The following PTPRQ variants were observed in gnomAD, a reference collection of about 807,000 sequenced individuals.
PTPRQ encodes phosphatidylinositol phosphatase PTPRQ.
PTPRQ carries 199 observed loss-of-function variants against 246.0 expected under a neutral mutation model. That is an observed-to-expected ratio of 0.81 (90% CI 0.72 to 0.91). The LOEUF is 0.91. Ranked by LOEUF, PTPRQ falls within the 40% of genes least tolerant of loss-of-function variation. The pLI is 0.00. For missense variants in PTPRQ, 2,624 were observed against 2,528.4 expected (o/e 1.04, Z -0.81); for synonymous variants, 869 against 853.2 (o/e 1.02, Z -0.32).
At chr12:80,645,123 C>T (rs535308424) in intron 35 of PTPRQ, among the ~76,000 whole-genome samples, 20 of 152,036 alleles carry the variant, frequency 1.3e-4, no homozygotes, top group African/African-American at 4.6e-4. Flanking sequence ...AAGAGTGATA[C>T]AAAAGAAAAT....
At chr12:80,471,474 A>ATT (rs1176393485) in intron 7 of PTPRQ, among the ~76,000 whole-genome samples, 13,950 of 72,374 alleles carry the variant, frequency 0.19, 3,470 homozygotes, top group African/African-American at 0.28. Flanking sequence ...ATTATTTAGC[A>ATT]TTTTTTTTTT....
At chr12:80,665,730 C>A (rs996575487) in intron 39 of PTPRQ, among the ~76,000 whole-genome samples, 1 of 151,658 alleles carries the variant, frequency 6.6e-6, no homozygotes, top group Non-Finnish European at 1.5e-5. Flanking sequence ...CCAAAATATA[C>A]CAGGAACTCA....
At chr12:80,487,174 T>C (rs1016930048) in intron 9 of PTPRQ, among the ~76,000 whole-genome samples, 1 of 152,130 alleles carries the variant, frequency 6.6e-6, no homozygotes, top group Non-Finnish European at 1.5e-5. Context: ...TTGCAGCCAT[T>C]TGTGGGAAGA....
rs1894974929 is a variant in PTPRQ, at chr12:80,506,788, C to T, written c.2557+118C>T. The T allele has an allele frequency of 8.6e-6, 6 of 698,364 alleles. No homozygotes were observed. The Admixed American group carries it at 1.6e-4, about 19-fold the overall frequency. 43.3% of individuals were successfully genotyped at this position (698,364 alleles called of 1,614,324 possible). A position where few individuals can be genotyped will look rare whatever the true frequency, so the allele number is the denominator to read the frequency against. ...CATGGGTATCAGTTGTGTACCATACCAGCGTTATACAGAGATTTCATTGTC... is the reference window on the plus strand; with the variant it reads ...CATGGGTATCAGTTGTGTACCATACTAGCGTTATACAGAGATTTCATTGTC... On this transcript the variant is annotated intron_variant, in intron 16 of 44. Coordinates refer to ENST00000644991, the MANE Select transcript of PTPRQ (RefSeq NM_001145026.2).
chr12:80,469,650 C>T (rs5028208), intron 7 of PTPRQ, among the ~76,000 whole-genome samples: 14,556 of 152,110 alleles, frequency 0.096, 1,477 homozygotes, highest in African/African-American at 0.25. Flanking sequence ...CACTCATCAC[C>T]ATCATGAGTA....
chr12:80,669,512 G>T, intron 41 of PTPRQ, 48 bp downstream of exon 41: 4 of 1,504,006 alleles, frequency 2.7e-6, no homozygotes, highest in African/African-American at 1.4e-5. Context: ...AAATATGATT[G>T]ATCTAAATGT....
chr12:80,469,335 G>A (rs1893550312), intron 7 of PTPRQ, among the ~76,000 whole-genome samples: 1 of 152,024 alleles, frequency 6.6e-6, no homozygotes, highest in Admixed American at 6.6e-5. Flanking sequence ...TAAAATTTTT[G>A]GGCAGCTTTA....
At chr12:80,669,229 A>G (rs1038371702) in intron 40 of PTPRQ, 88 bp downstream of exon 40, 1 of 1,528,404 alleles carries the variant, frequency 6.5e-7, no homozygotes, top group African/African-American at 1.4e-5. Context: ...GTGAGTCATC[A>G]ATAACCTGGA....
intron 38 of PTPRQ, 62 bp downstream of exon 38, chr12:80,652,896 CT>C (rs1349334534): frequency 2.1e-6 from 3 of 1,398,070 alleles, no homozygotes; most frequent in Non-Finnish European, 2.8e-6. Flanking sequence ...ACCATCTTAA[CT>C]TTTTTGTTTC....
At chr12:80,538,768 T>G (rs953557249) in intron 19 of PTPRQ, among the ~76,000 whole-genome samples, 5 of 144,426 alleles carry the variant, frequency 3.5e-5, no homozygotes, top group Admixed American at 2.1e-4. Context: ...CTAATTACTG[T>G]TTTTTTTTAA....
At chr12:80,465,102 C>T (rs1413022179) in intron 6 of PTPRQ, 14 of 130,300 alleles carry the variant, frequency 1.1e-4, no homozygotes, top group Admixed American at 3.2e-4. Context: ...ATTGACAGAC[C>T]GCTAGCAAGA....
chr12:80,537,278 G>A (rs965133315), intron 19 of PTPRQ, among the ~76,000 whole-genome samples: 1 of 152,132 alleles, frequency 6.6e-6, no homozygotes, highest in Non-Finnish European at 1.5e-5. Context: ...GTGGAAGAAA[G>A]CCTCAAAATG....
chr12:80,597,883 G>T (rs1439418232), intron 26 of PTPRQ, among the ~76,000 whole-genome samples: 1 of 151,914 alleles, frequency 6.6e-6, no homozygotes, highest in Non-Finnish European at 1.5e-5. Flanking sequence ...GACCACTGTT[G>T]TAGAAAGTTG....
chr12:80,445,704 C>T lies in PTPRQ; in HGVS notation c.377C>T (p.Thr126Ile). Residue 126 changes from threonine to isoleucine, a missense_variant, in exon 3 of 45, where the codon ACA becomes ATA. Coordinates refer to ENST00000644991, the MANE Select transcript of PTPRQ (RefSeq NM_001145026.2). ...CTTACTAATCTTAATCCTGGAACAACATATGAAATTAAGGTAATTATTTTG... is the reference window on the plus strand; with the variant it reads ...CTTACTAATCTTAATCCTGGAACAATATATGAAATTAAGGTAATTATTTTG... ...VLLTNLNPGT[T>I]YEIKVAAENS... 1 of 1,534,626 alleles carries T rather than the reference C, an allele frequency of 6.5e-7. No individual in the cohort carries two copies. Among genetic ancestry groups the T allele is most frequent in the Non-Finnish European group, 8.8e-7 (1 of 1,131,960 alleles).
chr12:80,618,758 G>A (rs1479148846), intron 30 of PTPRQ, among the ~76,000 whole-genome samples: 3 of 151,464 alleles, frequency 2.0e-5, no homozygotes, highest in East Asian at 3.9e-4. Context: ...GAATGAGTTA[G>A]CTCTGTACCT....
chr12:80,578,500 C>T (rs1054732873), intron 25 of PTPRQ, among the ~76,000 whole-genome samples: 1 of 152,012 alleles, frequency 6.6e-6, no homozygotes, highest in African/African-American at 2.4e-5. Context: ...ATGCCATTCT[C>T]CTGCCTCAGC....
chr12:80,607,136 A>G (rs1462659054), intron 27 of PTPRQ, among the ~76,000 whole-genome samples: 1 of 150,878 alleles, frequency 6.6e-6, no homozygotes, highest in African/African-American at 2.4e-5. Flanking sequence ...TCATTATCTT[A>G]TTATATGTTA....
chr12:80,448,474 C>A (rs944705213), intron 3 of PTPRQ, among the ~76,000 whole-genome samples: 1 of 152,158 alleles, frequency 6.6e-6, no homozygotes, highest in Non-Finnish European at 1.5e-5. Context: ...GCTGCACCCA[C>A]TAACTCGTCA....
At chr12:80,454,636 G>A in intron 3 of PTPRQ, 5 of 669,426 alleles carry the variant, frequency 7.5e-6, no homozygotes, top group Non-Finnish European at 1.3e-5. Context: ...TTTGACATAT[G>A]TTCCTTTGAT....
Sources: gnomAD v4.1 joint callset for allele counts (sites outside exome capture counted in the v4.1 genomes callset) on GRCh38, gnomAD v4.1.1 for gene constraint, MANE v1.5 for transcripts, NCBI Gene and HGNC (gene_info 2026-07-23, HGNC 2026-07-21) for gene names.